Variants in WDFY2 observed in about 807,000 individuals in gnomAD.
The protein encoded by WDFY2 is WD repeat and FYVE domain containing 2.
Under a neutral mutation model 56.4 loss-of-function variants are expected in WDFY2, and 36 were observed. That is an observed-to-expected ratio of 0.64 (90% CI 0.49 to 0.84). The LOEUF is 0.84. Ranked by LOEUF, WDFY2 falls within the 40% of genes least tolerant of loss-of-function variation. The pLI, the probability that WDFY2 is intolerant of heterozygous loss-of-function variation, is 0.00. For synonymous variants in WDFY2, 176 were observed against 183.7 expected (o/e 0.96, Z 0.34); for missense variants, 444 against 512.2 (o/e 0.87, Z 1.29).
At chr13:51,599,898 A>G (rs1030492996) in intron 1 of WDFY2, among the ~76,000 whole-genome samples, 1 of 150,242 alleles carries the variant, frequency 6.7e-6, no homozygotes, top group Non-Finnish European at 1.5e-5. Flanking sequence ...CAAACAAACA[A>G]AAAAAAAAAC....
intron 3 of WDFY2, among the ~76,000 whole-genome samples, chr13:51,695,844 C>CCGGGCTGCTTTGTTTACCT (rs1951862446): frequency 6.6e-6 from 1 of 152,246 alleles, no homozygotes; most frequent in South Asian, 2.1e-4. Context: ...GTTGGAGCTT[C>CCGGGCTGCTTTGTTTACCT]CGGGCTGCTT....
At chr13:51,725,171 A>G (rs1210354341) in intron 5 of WDFY2, among the ~76,000 whole-genome samples, 1 of 152,184 alleles carries the variant, frequency 6.6e-6, no homozygotes, top group Non-Finnish European at 1.5e-5. Context: ...CTTGGTTGTT[A>G]AAACATTGGC....
chr13:51,631,389 T>TC (rs1252806293), intron 1 of WDFY2, among the ~76,000 whole-genome samples: 6 of 146,688 alleles, frequency 4.1e-5, no homozygotes, highest in Admixed American at 4.1e-4. Context: ...AGATCCTGTC[T>TC]CTAAAAAAAA....
At chr13:51,727,224 T>C (rs1357287331) in intron 5 of WDFY2, among the ~76,000 whole-genome samples, 1 of 152,206 alleles carries the variant, frequency 6.6e-6, no homozygotes, top group Non-Finnish European at 1.5e-5. Flanking sequence ...ATTTCTCGAC[T>C]TTGTATTCTG....
At position 51,767,384 on chromosome 13, in the gene WDFY2, C is replaced by T. The variant is rs951031647; in HGVS notation, c.*7615C>T. Reference sequence around the variant, plus strand: ...TTCAGGCTGGCACACCCAGAAAAATCCCTTCCTTGTGGTCCTTGGCTGATG... The same window carrying T: ...TTCAGGCTGGCACACCCAGAAAAATTCCTTCCTTGTGGTCCTTGGCTGATG... On this transcript the variant is annotated 3_prime_UTR_variant, in exon 12 of 12. Coordinates refer to ENST00000298125, the MANE Select transcript of WDFY2 (RefSeq NM_052950.4). 1 of 152,270 alleles carries T rather than the reference C, an allele frequency of 6.6e-6. No homozygotes were observed. Among genetic ancestry groups the T allele is most frequent in the African/African-American group, 2.4e-5 (1 of 41,470 alleles). The allele number at this position is 152,270 out of a possible 1,614,324, so 9.4% of individuals were successfully genotyped here. A position where few individuals can be genotyped will look rare whatever the true frequency, so the allele number is the denominator to read the frequency against.
intron 5 of WDFY2, among the ~76,000 whole-genome samples, chr13:51,726,849 CT>C (rs1952615518): frequency 6.6e-6 from 1 of 152,096 alleles, no homozygotes; most frequent in Non-Finnish European, 1.5e-5. Context: ...TCCTTTTCTT[CT>C]TGATTGCTCT....
chr13:51,673,760 C>A (rs950864024), intron 2 of WDFY2, among the ~76,000 whole-genome samples: 1 of 152,086 alleles, frequency 6.6e-6, no homozygotes, highest in Non-Finnish European at 1.5e-5. Flanking sequence ...TAGGGCAGTG[C>A]ATTAAATATC....
chr13:51,670,496 C>A (rs1027209563), intron 2 of WDFY2, among the ~76,000 whole-genome samples: 133 of 122,802 alleles, frequency 1.1e-3, no homozygotes, highest in Admixed American at 2.3e-4. Flanking sequence ...CATGCACACA[C>A]ACACACACAC....
chr13:51,666,456 T>C (rs1406409644), intron 2 of WDFY2, among the ~76,000 whole-genome samples: 1 of 152,214 alleles, frequency 6.6e-6, no homozygotes, highest in Non-Finnish European at 1.5e-5. Context: ...ACTGGTGTGG[T>C]CTAAATGGAT....
chr13:51,715,198 T>G (rs903251740), intron 4 of WDFY2, among the ~76,000 whole-genome samples: 1 of 152,168 alleles, frequency 6.6e-6, no homozygotes, highest in African/African-American at 2.4e-5. Flanking sequence ...TTAAAAATAT[T>G]TTTTCAATAA....
At chr13:51,682,560 C>G (rs891437006) in intron 3 of WDFY2, among the ~76,000 whole-genome samples, 7 of 152,158 alleles carry the variant, frequency 4.6e-5, no homozygotes, top group Non-Finnish European at 7.3e-5. Context: ...GCCCTGGTAT[C>G]AGACTGCCTC....
chr13:51,624,438 T>G (rs1954803140), intron 1 of WDFY2, among the ~76,000 whole-genome samples: 1 of 152,364 alleles, frequency 6.6e-6, no homozygotes, highest in South Asian at 2.1e-4. Context: ...ACTTTCACTC[T>G]GCTAATTTTA....
intron 6 of WDFY2, among the ~76,000 whole-genome samples, chr13:51,730,302 T>A (rs1315944667): frequency 6.6e-6 from 1 of 152,248 alleles, no homozygotes; most frequent in Admixed American, 6.5e-5. Flanking sequence ...TGGGACACGT[T>A]GTAAACCTTG....
At chr13:51,758,118 T>C in intron 10 of WDFY2, 74 bp from the exon 11 acceptor site, 1 of 1,238,140 alleles carries the variant, frequency 8.1e-7, no homozygotes, top group East Asian at 2.4e-5. Flanking sequence ...ATTTAGAGCC[T>C]AATGTCATCC....
chr13:51,702,859 A>G (rs750189722), intron 3 of WDFY2, among the ~76,000 whole-genome samples: 4 of 152,224 alleles, frequency 2.6e-5, no homozygotes, highest in African/African-American at 4.8e-5. Flanking sequence ...TTGCTTTTGA[A>G]TGAAGTCTAA....
At chr13:51,754,791 C>G (rs1295102348) in intron 8 of WDFY2, among the ~76,000 whole-genome samples, 3 of 152,182 alleles carry the variant, frequency 2.0e-5, no homozygotes, top group Non-Finnish European at 4.4e-5. Flanking sequence ...TCTCTTAACT[C>G]TGTGCTATGA....
At chr13:51,692,335 A>C (rs1312642413) in intron 3 of WDFY2, among the ~76,000 whole-genome samples, 3 of 152,206 alleles carry the variant, frequency 2.0e-5, no homozygotes, top group Non-Finnish European at 2.9e-5. Context: ...TAGGTTTGTC[A>C]TAGATAGCTC....
At chr13:51,751,448 T>TGGTTCTGGCCCTGC (rs772820065) in intron 8 of WDFY2, 33 bp downstream of exon 8, 2 of 1,591,784 alleles carry the variant, frequency 1.3e-6, no homozygotes, top group Admixed American at 3.3e-5. Context: ...GTGGGCCCTG[T>TGGTTCTGGCCCTGC]GGTTCTGGCC....
At chr13:51,659,851 G>A (rs1319388318) in intron 1 of WDFY2, among the ~76,000 whole-genome samples, 1 of 152,192 alleles carries the variant, frequency 6.6e-6, no homozygotes, top group African/African-American at 2.4e-5. Flanking sequence ...ACCATGGACT[G>A]TATAATCATT....
Sources: allele counts gnomAD v4.1 joint callset (sites outside exome capture counted in the v4.1 genomes callset), GRCh38; gene constraint gnomAD v4.1.1; transcripts MANE v1.5; gene names NCBI Gene and HGNC (gene_info 2026-07-23, HGNC 2026-07-21).